The following YAF2 variants were observed in gnomAD, a reference collection of about 807,000 sequenced individuals.
The protein encoded by YAF2 is YY1-associated factor 2.
In YAF2, 7 loss-of-function variants were observed where a neutral mutation model predicts 20.1. The ratio of observed to expected loss-of-function variants is 0.35; its 90% CI spans 0.20 to 0.65. YAF2 has a LOEUF of 0.65. Ranked by LOEUF, YAF2 falls within the 30% of genes least tolerant of loss-of-function variation. The pLI, the probability that YAF2 is intolerant of heterozygous loss-of-function variation, is 0.69. For synonymous variants in YAF2, 74 were observed against 76.0 expected (o/e 0.97, Z 0.14); for missense variants, 151 against 219.2 (o/e 0.69, Z 1.96).
Position 42,167,750 on chromosome 12 carries a change from A to G in YAF2, c.153-5985T>C, listed in dbSNP as rs7974752. ...GCCAGGCTCGGTGGCTCACATCTAT[A>G]ATCCCAGCACTTTGGGAGGCCAACG... On this transcript the variant is annotated intron_variant, in intron 2 of 3. Transcript: ENST00000534854. 2.6e-3 allele frequency among the ~76,000 whole-genome samples: 398 copies of G among 152,324 alleles called. 2 individuals are homozygous for G. Among genetic ancestry groups the G allele is most frequent in the African/African-American group, 9.1e-3 (378 of 41,572 alleles).
intron 2 of YAF2, among the ~76,000 whole-genome samples, chr12:42,181,032 A>G (rs936045189): frequency 5.9e-5 from 9 of 152,226 alleles, no homozygotes; most frequent in Non-Finnish European, 1.2e-4. Context: ...CTTCTTTGAT[A>G]CACCTAGCTC....
At chr12:42,181,236 T>C (rs191826633) in intron 2 of YAF2, among the ~76,000 whole-genome samples, 1 of 152,370 alleles carries the variant, frequency 6.6e-6, no homozygotes, top group East Asian at 1.9e-4. Context: ...CTAGTTGGTG[T>C]TTCACTTCTT....
intron 2 of YAF2, among the ~76,000 whole-genome samples, chr12:42,211,733 G>A (rs1381076043): frequency 1.5e-5 from 2 of 130,126 alleles, no homozygotes; most frequent in Non-Finnish European, 3.1e-5. Context: ...AACAGAGGGA[G>A]ACTCTGTCCA....
chr12:42,163,293 A>T (rs1315906038), intron 2 of YAF2, among the ~76,000 whole-genome samples: 1 of 152,238 alleles, frequency 6.6e-6, no homozygotes, highest in Non-Finnish European at 1.5e-5. Flanking sequence ...AAGGGATCCC[A>T]TGATTAAAAG....
At chr12:42,197,130 G>C (rs1380234660) in intron 2 of YAF2, among the ~76,000 whole-genome samples, 1 of 152,198 alleles carries the variant, frequency 6.6e-6, no homozygotes, top group Non-Finnish European at 1.5e-5. Flanking sequence ...CTAGAGCGCA[G>C]AAAATACAAG....
chr12:42,213,920 G>A (rs1019108364), intron 2 of YAF2, among the ~76,000 whole-genome samples: 4 of 151,978 alleles, frequency 2.6e-5, no homozygotes, highest in South Asian at 2.1e-4. Flanking sequence ...ATCAGAAAAG[G>A]GTCATCTAGA....
chr12:42,234,657 TTAA>T, intron 2 of YAF2: 1 of 984,532 alleles, frequency 1.0e-6, no homozygotes, highest in East Asian at 1.1e-4. Context: ...GAATTTGAAC[TTAA>T]TATTATTTAA....
intron 2 of YAF2, among the ~76,000 whole-genome samples, chr12:42,228,431 G>T (rs1234053844): frequency 1.5e-4 from 9 of 61,528 alleles, no homozygotes; most frequent in African/African-American, 2.9e-4. Flanking sequence ...GAGGTGGGGG[G>T]GTCAGCCCCC....
chr12:42,165,717 C>T (rs926387211), intron 2 of YAF2, among the ~76,000 whole-genome samples: 1 of 149,574 alleles, frequency 6.7e-6, no homozygotes, highest in East Asian at 2.0e-4. Context: ...ATGATCTGCC[C>T]GCCTCAGCCT....
At chr12:42,216,455 A>T (rs1400972708) in intron 2 of YAF2, among the ~76,000 whole-genome samples, 1 of 151,478 alleles carries the variant, frequency 6.6e-6, no homozygotes, top group Non-Finnish European at 1.5e-5. Context: ...GTATTGTTAC[A>T]CTCTCCTGGG....
intron 2 of YAF2, chr12:42,235,402 A>T: frequency 9.6e-7 from 1 of 1,037,454 alleles, no homozygotes; most frequent in Non-Finnish European, 1.2e-6. Flanking sequence ...ATATTCTGTG[A>T]TGCAATCAAT....
intron 2 of YAF2, chr12:42,205,790 C>T (rs992741511): frequency 2.5e-5 from 6 of 236,160 alleles, no homozygotes; most frequent in East Asian, 1.2e-4. Flanking sequence ...CATTTATTTT[C>T]AATCTTTCAA....
chr12:42,222,197 A>G (rs1428430012), intron 2 of YAF2, among the ~76,000 whole-genome samples: 1 of 152,258 alleles, frequency 6.6e-6, no homozygotes, highest in South Asian at 2.1e-4. Context: ...ATTCCAAGCT[A>G]TAAAGATTTA....
At chr12:42,225,313 C>A (rs1015296962) in intron 2 of YAF2, among the ~76,000 whole-genome samples, 1 of 152,104 alleles carries the variant, frequency 6.6e-6, no homozygotes, top group African/African-American at 2.4e-5. Flanking sequence ...CTGTAGGTTG[C>A]CTGTTCACTC....
intron 2 of YAF2, among the ~76,000 whole-genome samples, chr12:42,214,459 A>G (rs1437064434): frequency 1.3e-5 from 2 of 151,574 alleles, no homozygotes; most frequent in East Asian, 3.9e-4. Flanking sequence ...TTTTGTAGAG[A>G]TGGGGTTTTG....
At chr12:42,208,198 C>T (rs555917234) in intron 2 of YAF2, among the ~76,000 whole-genome samples, 7 of 152,212 alleles carry the variant, frequency 4.6e-5, no homozygotes, top group Non-Finnish European at 7.4e-5. Flanking sequence ...GAGGCCGAGG[C>T]GGGCAGATCA....
At chr12:42,236,019 C>T (rs2068141933) in intron 2 of YAF2, 1 of 1,534,392 alleles carries the variant, frequency 6.5e-7, no homozygotes. Flanking sequence ...CATATAGGCT[C>T]TTCTAGTTTC....
chr12:42,173,242 CG>C (rs2066097470), intron 2 of YAF2, among the ~76,000 whole-genome samples: 2 of 152,106 alleles, frequency 1.3e-5, no homozygotes, highest in South Asian at 4.1e-4. Flanking sequence ...TAGTCACAAA[CG>C]GGGCTCCACG....
intron 2 of YAF2, among the ~76,000 whole-genome samples, chr12:42,227,850 G>T (rs2067789013): frequency 2.8e-5 from 4 of 141,726 alleles, no homozygotes; most frequent in South Asian, 4.6e-4. Context: ...GAGGTGGGGG[G>T]GTCAGCCCCC....
Sources: gnomAD v4.1 joint callset for allele counts (sites outside exome capture counted in the v4.1 genomes callset) on GRCh38, gnomAD v4.1.1 for gene constraint, MANE v1.5 for transcripts, NCBI Gene and HGNC (gene_info 2026-07-23, HGNC 2026-07-21) for gene names.